The following ETS1 variants were observed in gnomAD, a reference collection of about 807,000 sequenced individuals.
ETS1 encodes protein C-ets-1.
A neutral mutation model predicts 58.6 loss-of-function variants in ETS1; 15 were observed. That is an observed-to-expected ratio of 0.26 (90% CI 0.17 to 0.39). The LOEUF (loss-of-function observed/expected upper bound fraction) is 0.39. Among genes scored for constraint, ETS1 ranks in the 10% least tolerant of loss-of-function variants. ETS1 has a pLI of 1.00. For synonymous variants in ETS1, 214 were observed against 218.2 expected, an observed-to-expected ratio of 0.98 and a Z score of 0.17; for missense variants, 417 against 610.5, an observed-to-expected ratio of 0.68 and a Z score of 3.34.
chr11:128,563,489 C>T (rs1864438470), intron 2 of ETS1, among the ~76,000 whole-genome samples: 1 of 152,200 alleles, frequency 6.6e-6, no homozygotes, highest in South Asian at 2.1e-4. Context: ...TATTCCTTAA[C>T]CTCTCTGAAC....
intron 3 of ETS1, among the ~76,000 whole-genome samples, chr11:128,500,898 T>G (rs1315218006): frequency 6.6e-6 from 1 of 152,168 alleles, no homozygotes. Context: ...TCTTCTCACT[T>G]AAGACATTTG....
intron 6 of ETS1, among the ~76,000 whole-genome samples, chr11:128,485,606 A>G (rs936395825): frequency 1.3e-5 from 2 of 152,206 alleles, no homozygotes; most frequent in African/African-American, 4.8e-5. Context: ...TCTTACACGA[A>G]AAAGGAGAAG....
At chr11:128,466,769 CTCT>C (rs1172969689) in intron 8 of ETS1, among the ~76,000 whole-genome samples, 3 of 146,834 alleles carry the variant, frequency 2.0e-5, no homozygotes, top group Non-Finnish European at 3.0e-5. Context: ...AGCTCTCTAA[CTCT>C]TTTTTTTTTC....
intron 8 of ETS1, among the ~76,000 whole-genome samples, chr11:128,467,394 G>A (rs1354340457): frequency 6.6e-6 from 1 of 152,194 alleles, no homozygotes; most frequent in African/African-American, 2.4e-5. Flanking sequence ...GACAATGAAT[G>A]AGTCCAGCAC....
intron 3 of ETS1, among the ~76,000 whole-genome samples, chr11:128,503,905 G>T (rs989658807): frequency 6.6e-6 from 1 of 152,104 alleles, no homozygotes; most frequent in African/African-American, 2.4e-5. Context: ...CCTATCACAG[G>T]CTCCAAAAAA....
In ETS1 at chr11:128,489,308, G is replaced by C; in HGVS notation, c.517C>G (p.Leu173Val). ...TATTTACCTTTCTGCAGGATCTCTA[G>C]ATGTTCCCATAAGATGTCCCCAACA... Reference protein sequence around the residue: ...DFVGDILWEHLEILQKEDVKP... With the variant: ...DFVGDILWEHVEILQKEDVKP... The change falls in exon 5 of 10, where the codon CTA (leucine) becomes GTA (valine). Residue 173 changes from leucine (L) to valine (V), a missense_variant. Leu to Val is a conservative substitution (Grantham distance 32). This residue lies in a region of ETS1 where 132 missense variants were observed against 212.1 expected (regional missense o/e 0.62). Coordinates refer to ENST00000392668, the MANE Select transcript of ETS1 (RefSeq NM_001143820.2). 4 of 1,614,126 alleles carry C rather than the reference G, an allele frequency of 2.5e-6. No homozygotes were observed. Among genetic ancestry groups the C allele is most frequent in the Non-Finnish European group, 3.4e-6 (4 of 1,180,006 alleles).
At chr11:128,509,550 ATTTTTTTTT>A (rs59753000) in intron 3 of ETS1, among the ~76,000 whole-genome samples, 70 of 95,092 alleles carry the variant, frequency 7.4e-4, no homozygotes, top group East Asian at 9.0e-4. Context: ...TCAGGTGAAA[ATTTTTTTTT>A]TTTTTTTTTT....
At chr11:128,515,470 T>C (rs35951893) in intron 3 of ETS1, among the ~76,000 whole-genome samples, 8,689 of 152,272 alleles carry the variant, frequency 0.057, 337 homozygotes, top group East Asian at 0.15. Flanking sequence ...GGGAAAACCA[T>C]ACTAAACTTA....
At chr11:128,506,149 A>T (rs1253492296) in intron 3 of ETS1, among the ~76,000 whole-genome samples, 1 of 152,232 alleles carries the variant, frequency 6.6e-6, no homozygotes, top group African/African-American at 2.4e-5. Context: ...CTGACTGCTC[A>T]TGAGCATGGG....
chr11:128,549,830 C>T lies in ETS1; in HGVS notation c.214+6461G>A, dbSNP rs1360786477. Among the ~76,000 whole-genome samples, 1 of 152,202 alleles carries T rather than the reference C, an allele frequency of 6.6e-6. No homozygotes were observed. Among genetic ancestry groups the T allele is most frequent in the African/African-American group, 2.4e-5 (1 of 41,446 alleles). ...GGTGTGCAGCTCTTTCTGGCCCTCA[C>T]CAGGCTGGCCTCTCCTTTGGCTGGT... On this transcript the variant is annotated intron_variant, in intron 3 of 9. Coordinates refer to ENST00000392668, the MANE Select transcript of ETS1 (RefSeq NM_001143820.2). The surrounding 1 kb of genome is among the most constrained non-coding windows in gnomAD (Gnocchi z 4.3).
intron 3 of ETS1, among the ~76,000 whole-genome samples, chr11:128,515,952 A>T (rs2135508729): frequency 6.6e-6 from 1 of 152,216 alleles, no homozygotes; most frequent in East Asian, 1.9e-4. Context: ...GGGAAATATG[A>T]CAGCGTTGGC....
Position 128,463,849 on chromosome 11 carries a change from C to G in ETS1, c.1124-222G>C. On this transcript the variant is annotated intron_variant, in intron 8 of 9. Coordinates refer to ENST00000392668, the MANE Select transcript of ETS1 (RefSeq NM_001143820.2). This position sits in a 1 kb window ranked among gnomAD's most constrained non-coding sequence, Gnocchi z 4.1. Reference sequence around the variant, plus strand: ...AACAAAAGCATGGAAGAAAATGTGTCAAGTGCTTTATTTTGATTAACTTAA... The same window carrying G: ...AACAAAAGCATGGAAGAAAATGTGTGAAGTGCTTTATTTTGATTAACTTAA... The G allele has an allele frequency of 2.8e-6, 1 of 353,248 alleles. No homozygotes were observed. Among genetic ancestry groups the G allele is most frequent in the Non-Finnish European group, 5.2e-6 (1 of 191,258 alleles). 21.9% of individuals were successfully genotyped at this position (353,248 alleles called of 1,614,324 possible). A position where few individuals can be genotyped will look rare whatever the true frequency, so the allele number is the denominator to read the frequency against.
At chr11:128,585,006 A>AG (rs1210245755) in intron 1 of ETS1, among the ~76,000 whole-genome samples, 10 of 41,244 alleles carry the variant, frequency 2.4e-4, no homozygotes, top group African/African-American at 6.3e-4. Flanking sequence ...AAGGAAGGAA[A>AG]GAAAGGAAAG....
intron 2 of ETS1, among the ~76,000 whole-genome samples, chr11:128,572,816 T>C (rs1591672665): frequency 6.6e-6 from 1 of 152,374 alleles, no homozygotes; most frequent in Non-Finnish European, 1.5e-5. Flanking sequence ...ATTTGAGTCA[T>C]TTCTCTCAAA....
chr11:128,541,306 T>C (rs1279382400), intron 3 of ETS1, among the ~76,000 whole-genome samples: 1 of 152,150 alleles, frequency 6.6e-6, no homozygotes, highest in Non-Finnish European at 1.5e-5. Context: ...GGGGACAAAG[T>C]AAAGATGCTC....
Position 128,492,914 on chromosome 11 carries a change from T to C in ETS1, c.215-2338A>G, listed in dbSNP as rs148467121. The stretch of plus-strand genomic sequence containing the variant: ...AAACACACAAGTCAATCAACAAATG[T>C]TGAGTGAATTAAATTTTTCCAAATT... On this transcript the variant is annotated intron_variant, in intron 3 of 9. Transcript: ENST00000392668. Among the ~76,000 whole-genome samples the C allele has an allele frequency of 2.9e-3, 439 of 152,314 alleles. 2 individuals are homozygous for C. Among genetic ancestry groups the C allele is most frequent in the African/African-American group, 0.01 (426 of 41,568 alleles).
chr11:128,475,814 G>A (rs538807107), intron 8 of ETS1, among the ~76,000 whole-genome samples: 44 of 152,156 alleles, frequency 2.9e-4, no homozygotes, highest in African/African-American at 1.0e-3. Flanking sequence ...GCCTCCCAAA[G>A]TGCTGGGATT....
intron 3 of ETS1, chr11:128,505,516 T>C (rs1184885522): frequency 1.3e-5 from 2 of 152,316 alleles, no homozygotes; most frequent in African/African-American, 2.4e-5. Flanking sequence ...TTCTCTTTAA[T>C]GGCCCCAAAC....
At chr11:128,579,528 G>C (rs1565418477) in intron 1 of ETS1, among the ~76,000 whole-genome samples, 1 of 151,926 alleles carries the variant, frequency 6.6e-6, no homozygotes, top group Non-Finnish European at 1.5e-5. Flanking sequence ...AGGTGTGGTG[G>C]TACATGCCTG....
Sources: gnomAD v4.1 joint callset for allele counts (sites outside exome capture counted in the v4.1 genomes callset) on GRCh38, gnomAD v4.1.1 for gene constraint, gnomAD v4.1.1 regional missense constraint, Gnocchi (gnomAD v3.1) non-coding constraint, MANE v1.5 for transcripts, NCBI Gene and HGNC (gene_info 2026-07-23, HGNC 2026-07-21) for gene names.